Variants in ERC1 observed in about 807,000 individuals in gnomAD.
ERC1 encodes RAB6 interacting protein 2.
In ERC1, 56 loss-of-function variants were observed where a neutral mutation model predicts 132.0. The ratio of observed to expected loss-of-function variants is 0.42; its 90% CI spans 0.34 to 0.53. The LOEUF is 0.53. ERC1 is among the 20% of genes least tolerant of loss of function. The pLI is 0.03. For missense variants in ERC1, 1,202 were observed against 1,349.9 expected, an observed-to-expected ratio of 0.89 and a Z score of 1.72; for synonymous variants, 478 against 476.1, an observed-to-expected ratio of 1.00 and a Z score of -0.05.
intron 15 of ERC1, among the ~76,000 whole-genome samples, chr12:1,303,564 A>G (rs1198995360): frequency 6.6e-6 from 1 of 151,756 alleles, no homozygotes; most frequent in African/African-American, 2.4e-5. Context: ...GCATGAACCC[A>G]GGAGGCGGAG....
intron 2 of ERC1, among the ~76,000 whole-genome samples, chr12:1,040,549 G>A (rs960164349): frequency 6.6e-6 from 1 of 151,808 alleles, no homozygotes; most frequent in Admixed American, 6.6e-5. Context: ...CTCGTGATCC[G>A]CCCACCTAGG....
At chr12:1,194,335 C>T (rs541709720) in intron 12 of ERC1, among the ~76,000 whole-genome samples, 106 of 151,996 alleles carry the variant, frequency 7.0e-4, no homozygotes, top group Middle Eastern at 3.4e-3. Flanking sequence ...GCAGGAGAAT[C>T]GCTTGAACTC....
intron 2 of ERC1, among the ~76,000 whole-genome samples, chr12:1,066,913 C>A (rs1008943925): frequency 1.5e-4 from 23 of 150,702 alleles, no homozygotes; most frequent in Middle Eastern, 3.5e-3. Flanking sequence ...TTTTATCTTT[C>A]AGTTTTAAGT....
chr12:1,421,258 C>T (rs2092416493), intron 17 of ERC1, among the ~76,000 whole-genome samples: 2 of 152,222 alleles, frequency 1.3e-5, no homozygotes, highest in South Asian at 4.1e-4. Context: ...ATTCTTCTCA[C>T]CCACTGCACA....
At chr12:1,283,148 G>A (rs1265740808) in intron 14 of ERC1, among the ~76,000 whole-genome samples, 4 of 152,146 alleles carry the variant, frequency 2.6e-5, no homozygotes, top group Non-Finnish European at 4.4e-5. Flanking sequence ...TTATTAGCTT[G>A]TGATTTAAGC....
intron 13 of ERC1, among the ~76,000 whole-genome samples, chr12:1,258,645 A>G (rs962830902): frequency 3.9e-5 from 6 of 152,226 alleles, no homozygotes; most frequent in African/African-American, 1.4e-4. Flanking sequence ...AGAGATTTTT[A>G]AATCTTCAGA....
intron 15 of ERC1, among the ~76,000 whole-genome samples, chr12:1,322,194 A>G (rs1372351716): frequency 1.4e-5 from 2 of 142,580 alleles, no homozygotes; most frequent in African/African-American, 5.3e-5. Context: ...ACTTAAAATG[A>G]GCATAATAAT....
At chr12:1,326,340 C>T (rs2082441915) in intron 15 of ERC1, among the ~76,000 whole-genome samples, 2 of 152,138 alleles carry the variant, frequency 1.3e-5, no homozygotes, top group South Asian at 4.1e-4. Flanking sequence ...ATTATTTCTC[C>T]TATTTTGCTT....
At chr12:1,300,619 C>A (rs1481386616) in intron 15 of ERC1, among the ~76,000 whole-genome samples, 6 of 152,052 alleles carry the variant, frequency 3.9e-5, no homozygotes, top group African/African-American at 1.2e-4. Context: ...AAAAAAACAA[C>A]CCCATTAAAA....
Position 1,232,462 on chromosome 12 carries a change from G to A in ERC1, c.2352-4307G>A, listed in dbSNP as rs1411980667. Among the ~76,000 whole-genome samples the A allele has an allele frequency of 2.0e-5, 3 of 152,134 alleles. No homozygotes were observed. In the East Asian group the frequency reaches 5.8e-4, roughly 29 times the overall value. Reference sequence around the variant, plus strand: ...ATGCTCATTCATTTAATGCTGCATCGGAGCTTCTGTATGCTTTTGTCGTTT... The same window carrying A: ...ATGCTCATTCATTTAATGCTGCATCAGAGCTTCTGTATGCTTTTGTCGTTT... On this transcript the variant is annotated intron_variant, in intron 12 of 18. Coordinates refer to ENST00000360905, the MANE Select transcript of ERC1 (RefSeq NM_178040.4).
Position 1,313,410 on chromosome 12 carries a change from A to C in ERC1, c.2780+23398A>C, listed in dbSNP as rs1268917168. Among the ~76,000 whole-genome samples the C allele has an allele frequency of 2.6e-5, 4 of 152,234 alleles. 1 individual carries two copies. Among genetic ancestry groups the C allele is most frequent in the Non-Finnish European group, 1.5e-5 (1 of 68,020 alleles). ...AAAATCCAGATTCCGTTAGTAAAGG[A>C]TGTTGATGGAGTGGATGGATATTAA... On this transcript the variant is annotated intron_variant, in intron 15 of 18. Transcript: ENST00000360905.
At chr12:1,251,998 A>C (rs2076498630) in intron 13 of ERC1, among the ~76,000 whole-genome samples, 1 of 152,094 alleles carries the variant, frequency 6.6e-6, no homozygotes, top group African/African-American at 2.4e-5. Flanking sequence ...TTTTATTTTT[A>C]ATTATAATGG....
At chr12:1,374,738 G>T (rs2087669300) in intron 16 of ERC1, among the ~76,000 whole-genome samples, 1 of 151,570 alleles carries the variant, frequency 6.6e-6, no homozygotes, top group South Asian at 2.1e-4. Flanking sequence ...GTATTGTGTT[G>T]GTTGCTGGTG....
rs983633132 is a variant in ERC1 at position 1,494,792 on chromosome 12, G to A, written c.*4562G>A. 2.6e-5 allele frequency: 6 copies of A among 229,702 alleles called. No homozygotes were observed. Among genetic ancestry groups the A allele is most frequent in the African/African-American group, 4.4e-5 (2 of 45,124 alleles). 14.2% of individuals were successfully genotyped at this position (229,702 alleles called of 1,614,324 possible). On this transcript the variant is annotated 3_prime_UTR_variant, in exon 19 of 19. Transcript: ENST00000360905. ...GTTGAGATTATTAAAAGATTAAAACGTAGTTGTAGAAATGAAAAATTAAAC... is the reference window on the plus strand; with the variant it reads ...GTTGAGATTATTAAAAGATTAAAACATAGTTGTAGAAATGAAAAATTAAAC...
At chr12:1,064,134 TAA>T (rs1938610777) in intron 2 of ERC1, among the ~76,000 whole-genome samples, 7 of 152,198 alleles carry the variant, frequency 4.6e-5, no homozygotes, top group Non-Finnish European at 1.0e-4. Flanking sequence ...TCCTGACTTG[TAA>T]AGTTTCTGCT....
chr12:1,380,182 C>T (rs2088474291), intron 16 of ERC1: 1 of 152,236 alleles, frequency 6.6e-6, no homozygotes, highest in Non-Finnish European at 1.5e-5. Flanking sequence ...CTTGAGAGGC[C>T]TGCAGGGGGA....
In ERC1 at chr12:1,004,835, TGTGTGTGTGTGTGTA is replaced by T. The variant is rs1399602761; in HGVS notation, c.-157+13514_-157+13528del. 2.1e-5 allele frequency among the ~76,000 whole-genome samples: 3 copies of T among 140,120 alleles called. 1 individual carries two copies. Among genetic ancestry groups the T allele is most frequent in the Non-Finnish European group, 4.9e-5 (3 of 61,142 alleles). The allele number at this position is 140,120 out of a possible 152,430, so 91.9% of individuals were successfully genotyped here. A position where few individuals can be genotyped will look rare whatever the true frequency, so the allele number is the denominator to read the frequency against. The stretch of plus-strand genomic sequence containing the variant: ...GTGTGTGTGTGTGTGTGTGTGTGTG[TGTGTGTGTGTGTGTA>T]TAAATTTTTTTTTTCTCATTGTTCA... On this transcript the variant is annotated intron_variant, in intron 1 of 18. Coordinates refer to ENST00000360905, the MANE Select transcript of ERC1 (RefSeq NM_178040.4).
intron 2 of ERC1, among the ~76,000 whole-genome samples, chr12:1,059,982 A>T (rs1973694709): frequency 6.6e-6 from 1 of 152,082 alleles, no homozygotes; most frequent in African/African-American, 2.4e-5. Context: ...CTTTGTTGAG[A>T]GACTTTTTAT....
At chr12:1,447,908 C>T (rs2093343284) in intron 18 of ERC1, among the ~76,000 whole-genome samples, 1 of 152,100 alleles carries the variant, frequency 6.6e-6, no homozygotes, top group African/African-American at 2.4e-5. Context: ...CCTTGGCCTC[C>T]CAAAGTGCTA....
Sources: allele counts gnomAD v4.1 joint callset (sites outside exome capture counted in the v4.1 genomes callset), GRCh38; gene constraint gnomAD v4.1.1; transcripts MANE v1.5; gene names NCBI Gene and HGNC (gene_info 2026-07-23, HGNC 2026-07-21).